MSRA: variants seen among roughly 807,000 people sequenced by gnomAD.
MSRA encodes methionine sulfoxide reductase A.
MSRA carries 54 observed loss-of-function variants against 31.3 expected under a neutral mutation model. That is an observed-to-expected ratio of 1.73 (90% CI 1.39 to 2.17). MSRA has a LOEUF of 2.17. MSRA is among the 30% of genes most tolerant of loss of function. The pLI is 0.00. For synonymous variants in MSRA, 169 were observed against 116.5 expected, an observed-to-expected ratio of 1.45 and a Z score of -2.90; for missense variants, 507 against 300.9, an observed-to-expected ratio of 1.69 and a Z score of -5.07.
At chr8:10,394,070 C>G (rs900501336) in intron 5 of MSRA, among the ~76,000 whole-genome samples, 1 of 152,194 alleles carries the variant, frequency 6.6e-6, no homozygotes, top group African/African-American at 2.4e-5. Flanking sequence ...TAGAGAGCGA[C>G]AGGAACTATG....
chr8:10,196,786 G>A (rs1327820146), intron 1 of MSRA, among the ~76,000 whole-genome samples: 1 of 151,756 alleles, frequency 6.6e-6, no homozygotes, highest in East Asian at 1.9e-4. Context: ...TGGCCAGGCT[G>A]GTCTCGATCT....
At chr8:10,294,016 C>T (rs1410755283) in intron 3 of MSRA, among the ~76,000 whole-genome samples, 1 of 152,068 alleles carries the variant, frequency 6.6e-6, no homozygotes, top group Non-Finnish European at 1.5e-5. Flanking sequence ...CCAGCCTGGC[C>T]AACATGGCGA....
chr8:10,333,326 A>G (rs917498678), intron 5 of MSRA, among the ~76,000 whole-genome samples: 3 of 152,172 alleles, frequency 2.0e-5, no homozygotes, highest in South Asian at 4.1e-4. Context: ...TTATGTGTTT[A>G]TAATATATAT....
chr8:10,390,545 G>A (rs557055607), intron 5 of MSRA, among the ~76,000 whole-genome samples: 1 of 152,294 alleles, frequency 6.6e-6, no homozygotes, highest in East Asian at 1.9e-4. Context: ...GAAGCAAAAT[G>A]AAGACTTCTA....
chr8:10,065,823 G>T (rs1367494883), intron 1 of MSRA, among the ~76,000 whole-genome samples: 1 of 152,028 alleles, frequency 6.6e-6, no homozygotes, highest in Non-Finnish European at 1.5e-5. Context: ...TTTAAAGTAG[G>T]AAGGAACACA....
intron 1 of MSRA, among the ~76,000 whole-genome samples, chr8:10,195,334 G>A (rs980152706): frequency 2.0e-5 from 3 of 152,122 alleles, no homozygotes; most frequent in African/African-American, 7.2e-5. Flanking sequence ...TCTGCCTCCC[G>A]GGTTCAGACA....
chr8:10,418,334 A>G (rs1489197010), intron 5 of MSRA, among the ~76,000 whole-genome samples: 1 of 152,054 alleles, frequency 6.6e-6, no homozygotes, highest in African/African-American at 2.4e-5. Flanking sequence ...CCTCCTTGCC[A>G]CAAGGGCCTT....
intron 1 of MSRA, among the ~76,000 whole-genome samples, chr8:10,128,626 T>G (rs903351371): frequency 1.3e-5 from 2 of 152,204 alleles, no homozygotes; most frequent in African/African-American, 4.8e-5. Context: ...TTGGCTTTGT[T>G]GTGTGTGCAC....
intron 5 of MSRA, among the ~76,000 whole-genome samples, chr8:10,363,370 G>A (rs1452665656): frequency 3.9e-5 from 6 of 152,156 alleles, no homozygotes; most frequent in Non-Finnish European, 8.8e-5. Flanking sequence ...GGGCCAACCT[G>A]GCATGTGCAA....
At chr8:10,145,526 G>A (rs1803072508) in intron 1 of MSRA, among the ~76,000 whole-genome samples, 2 of 152,184 alleles carry the variant, frequency 1.3e-5, no homozygotes, top group African/African-American at 2.4e-5. Context: ...CTGCAAGCAG[G>A]CATCCTCTGA....
intron 5 of MSRA, among the ~76,000 whole-genome samples, chr8:10,321,686 T>C (rs1331956492): frequency 6.6e-6 from 1 of 152,198 alleles, no homozygotes; most frequent in Non-Finnish European, 1.5e-5. Flanking sequence ...AACTCTCTGT[T>C]ACCGCGTGAG....
chr8:10,116,376 A>C (rs938584364), intron 1 of MSRA, among the ~76,000 whole-genome samples: 1 of 152,230 alleles, frequency 6.6e-6, no homozygotes, highest in Non-Finnish European at 1.5e-5. Flanking sequence ...GGACTATAGT[A>C]TTAATGCATC....
At chr8:10,356,391 C>T (rs974996497) in intron 5 of MSRA, among the ~76,000 whole-genome samples, 2 of 152,124 alleles carry the variant, frequency 1.3e-5, no homozygotes, top group African/African-American at 4.8e-5. Context: ...TTTGCTAGTC[C>T]CCCTAAGAGC....
At chr8:10,077,287 C>A (rs905751963) in intron 1 of MSRA, among the ~76,000 whole-genome samples, 3 of 152,056 alleles carry the variant, frequency 2.0e-5, no homozygotes, top group African/African-American at 4.8e-5. Context: ...ACCTGCAGAT[C>A]CTGGCTTCTC....
rs566140504 is a variant in MSRA, at chr8:10,069,629, G to C, written c.142+14971G>C. ...TCACATGGCAGAAGAACAGAAAAGT[G>C]AGCTAGCTGAATGCTCTGTGAAGCC... is the stretch of plus-strand genomic sequence containing the variant. On this transcript the variant is annotated intron_variant, in intron 1 of 5. Coordinates refer to ENST00000317173, the MANE Select transcript of MSRA (RefSeq NM_012331.5). 5.9e-5 allele frequency among the ~76,000 whole-genome samples: 9 copies of C among 152,308 alleles called. No homozygotes were observed. The East Asian group carries it at 1.7e-3, about 29-fold the overall frequency.
intron 2 of MSRA, among the ~76,000 whole-genome samples, chr8:10,243,787 G>A (rs1378257983): frequency 1.3e-5 from 2 of 152,042 alleles, no homozygotes; most frequent in African/African-American, 2.4e-5. Context: ...GCATGTAATT[G>A]TGTTTTTTCC....
chr8:10,299,770 G>A (rs935743097), intron 3 of MSRA, among the ~76,000 whole-genome samples: 3 of 152,098 alleles, frequency 2.0e-5, no homozygotes, highest in African/African-American at 7.2e-5. Context: ...CCTCAAAAAC[G>A]CTGCCAATGG....
chr8:10,237,325 T>C (rs1477751380), intron 2 of MSRA, among the ~76,000 whole-genome samples: 1 of 152,226 alleles, frequency 6.6e-6, no homozygotes, highest in African/African-American at 2.4e-5. Context: ...CCGGGGAAAA[T>C]CACTTTTATA....
chr8:10,091,916 A>G (rs959815788), intron 1 of MSRA, among the ~76,000 whole-genome samples: 5 of 151,952 alleles, frequency 3.3e-5, no homozygotes, highest in Admixed American at 2.6e-4. Flanking sequence ...CGGTAGTTCT[A>G]TTTTTAATTT....
Sources: allele counts gnomAD v4.1 joint callset (sites outside exome capture counted in the v4.1 genomes callset), GRCh38; gene constraint gnomAD v4.1.1; transcripts MANE v1.5; gene names NCBI Gene and HGNC (gene_info 2026-07-23, HGNC 2026-07-21).